C14orf39: variants seen among roughly 807,000 people sequenced by gnomAD.
C14orf39 encodes chromosome 14 open reading frame 39, also known as protein SIX6OS1.
In C14orf39, 66 loss-of-function variants were observed where a neutral mutation model predicts 85.6. The observed-to-expected ratio is 0.77, with a 90% CI of 0.63 to 0.95. The LOEUF is 0.95. Among genes scored for constraint, C14orf39 ranks in the 40% least tolerant of loss-of-function variants. The pLI, the probability that C14orf39 is intolerant of heterozygous loss-of-function variation, is 0.00. For missense variants in C14orf39, 735 were observed against 663.9 expected (o/e 1.11, Z -1.18); for synonymous variants, 242 against 214.0 (o/e 1.13, Z -1.14).
At chr14:60,485,556 A>C (rs1295378194) in intron 1 of C14orf39, among the ~76,000 whole-genome samples, 1 of 152,220 alleles carries the variant, frequency 6.6e-6, no homozygotes, top group Non-Finnish European at 1.5e-5. Flanking sequence ...CGCATTTACG[A>C]ATTTACCACG....
intron 1 of C14orf39, among the ~76,000 whole-genome samples, chr14:60,504,034 A>G (rs891042158): frequency 6.6e-6 from 1 of 152,162 alleles, no homozygotes; most frequent in African/African-American, 2.4e-5. Flanking sequence ...GATGTTTAGC[A>G]GCATCTCTGG....
At chr14:60,450,163 T>C (rs1890966302) in intron 16 of C14orf39, among the ~76,000 whole-genome samples, 1 of 152,152 alleles carries the variant, frequency 6.6e-6, no homozygotes. Context: ...GTAAAGGGCA[T>C]TTTATCTTGC....
At chr14:60,471,868 T>C (rs1595472913) in intron 5 of C14orf39, 129 bp from the exon 6 acceptor site, 4 of 571,188 alleles carry the variant, frequency 7.0e-6, no homozygotes, top group East Asian at 6.1e-5. Flanking sequence ...TCCCTCAATA[T>C]TGTCTGCCCT....
At chr14:60,444,238 T>C (rs572239538) in intron 16 of C14orf39, among the ~76,000 whole-genome samples, 2 of 152,140 alleles carry the variant, frequency 1.3e-5, no homozygotes, top group African/African-American at 4.8e-5. Context: ...AGGTCGGTAA[T>C]AACAAACTTC....
chr14:60,437,757 T>G (rs1890326130), intron 17 of C14orf39, among the ~76,000 whole-genome samples: 1 of 152,000 alleles, frequency 6.6e-6, no homozygotes, highest in Non-Finnish European at 1.5e-5. Flanking sequence ...TAAGTTAAAC[T>G]TATTCAACTA....
chr14:60,452,387 G>A (rs1299668285), intron 16 of C14orf39, among the ~76,000 whole-genome samples: 1 of 151,954 alleles, frequency 6.6e-6, no homozygotes, highest in Non-Finnish European at 1.5e-5. Flanking sequence ...AATGAAATAA[G>A]TCAGGCACAG....
chr14:60,471,744 T>C lies in C14orf39; in HGVS notation c.324-5A>G. ...ATATAATCATGATACATTTCTCTGT[T>C]AAAATTAAAAGAAATGATGTTTATA... On this transcript the variant is annotated splice_polypyrimidine_tract_variant and splice_region_variant and intron_variant, in intron 5 of 17. Coordinates refer to ENST00000321731, the MANE Select transcript of C14orf39 (RefSeq NM_174978.3). 1 of 1,459,062 alleles carries C rather than the reference T, an allele frequency of 6.9e-7. No homozygotes were observed. The highest frequency in any genetic ancestry group is 9.3e-7 in the Non-Finnish European group (1 of 1,071,406). 90.4% of individuals were successfully genotyped at this position (1,459,062 alleles called of 1,614,324 possible). A position where few individuals can be genotyped will look rare whatever the true frequency, so the allele number is the denominator to read the frequency against.
chr14:60,444,414 A>G (rs1443907233), intron 16 of C14orf39, among the ~76,000 whole-genome samples: 1 of 152,232 alleles, frequency 6.6e-6, no homozygotes, highest in Non-Finnish European at 1.5e-5. Flanking sequence ...CAAAAGCTTC[A>G]ATAGCCGATT....
chr14:60,458,528 G>T, intron 14 of C14orf39, 150 bp downstream of exon 14: 1 of 471,484 alleles, frequency 2.1e-6, no homozygotes, highest in South Asian at 5.3e-5. Flanking sequence ...CTTTTAATCT[G>T]AAAAATAGAA....
chr14:60,461,770 A>C (rs899301306), intron 11 of C14orf39, among the ~76,000 whole-genome samples, 177 bp from the exon 12 acceptor site: 6 of 152,152 alleles, frequency 3.9e-5, no homozygotes, highest in Non-Finnish European at 8.8e-5. Context: ...CAAAACATTA[A>C]GTTGAATATT....
intron 1 of C14orf39, among the ~76,000 whole-genome samples, chr14:60,505,727 C>T (rs1167347986): frequency 6.6e-6 from 1 of 152,162 alleles, no homozygotes; most frequent in African/African-American, 2.4e-5. Context: ...AAAACAAAAA[C>T]ACAACATTTT....
At chr14:60,496,147 A>G (rs769811968) in intron 2 of C14orf39, 5 of 484,546 alleles carry the variant, frequency 1.0e-5, no homozygotes, top group African/African-American at 2.0e-5. Flanking sequence ...TGGCTGTCCA[A>G]GTTCTATAGA....
chr14:60,472,205 AT>A (rs1478367774), intron 5 of C14orf39, among the ~76,000 whole-genome samples: 1 of 150,402 alleles, frequency 6.6e-6, no homozygotes, highest in Non-Finnish European at 1.5e-5. Flanking sequence ...ATTAGCTAAA[AT>A]TATCACATGA....
intron 16 of C14orf39, among the ~76,000 whole-genome samples, chr14:60,451,506 C>T (rs1299193283): frequency 6.6e-6 from 1 of 151,974 alleles, no homozygotes; most frequent in East Asian, 1.9e-4. Flanking sequence ...TACTATGCAG[C>T]CATAAAAAGG....
At chr14:60,509,061 T>A (rs367684563) in intron 1 of C14orf39, 1 of 389,450 alleles carries the variant, frequency 2.6e-6, no homozygotes, top group East Asian at 6.3e-5. Flanking sequence ...AGTCCTGGCG[T>A]GCTGATTCAA....
intron 16 of C14orf39, among the ~76,000 whole-genome samples, chr14:60,444,373 A>C (rs1286835160): frequency 1.3e-5 from 2 of 152,124 alleles, no homozygotes; most frequent in African/African-American, 4.8e-5. Flanking sequence ...ATGGAGCTGA[A>C]AACCATGGCA....
intron 1 of C14orf39, among the ~76,000 whole-genome samples, chr14:60,504,205 T>C (rs1390940569): frequency 1.3e-5 from 2 of 152,258 alleles, no homozygotes; most frequent in Non-Finnish European, 2.9e-5. Flanking sequence ...TTTTTTATAA[T>C]GCAATATTTA....
chr14:60,514,732 T>C (rs2140192268), intron 1 of C14orf39, among the ~76,000 whole-genome samples: 1 of 152,238 alleles, frequency 6.6e-6, no homozygotes, highest in South Asian at 2.1e-4. Context: ...TCTCCCTAAT[T>C]TTAACAAAAA....
At chr14:60,468,406 T>C (rs564438973) in intron 9 of C14orf39, 39 bp downstream of exon 9, 1 of 1,271,950 alleles carries the variant, frequency 7.9e-7, no homozygotes, top group South Asian at 1.4e-5. Context: ...ATGCAAAATA[T>C]CTGTTCACAT....
Sources: gnomAD v4.1 joint callset for allele counts (sites outside exome capture counted in the v4.1 genomes callset) on GRCh38, gnomAD v4.1.1 for gene constraint, MANE v1.5 for transcripts, NCBI Gene and HGNC (gene_info 2026-07-23, HGNC 2026-07-21) for gene names.